MCPH1: variants seen among roughly 807,000 people sequenced by gnomAD.
The protein encoded by MCPH1 is microcephalin 1.
In MCPH1, 104 loss-of-function variants were observed where a neutral mutation model predicts 84.5. The ratio of observed to expected loss-of-function variants is 1.23; its 90% CI spans 1.05 to 1.45. MCPH1 has a LOEUF of 1.45. MCPH1 is among the 40% of genes most tolerant of loss of function. The pLI is 0.00. For synonymous variants in MCPH1, 514 were observed against 366.8 expected (o/e 1.40, Z -4.58); for missense variants, 1,498 against 1,005.7 (o/e 1.49, Z -6.62).
intron 3 of MCPH1, among the ~76,000 whole-genome samples, chr8:6,423,660 A>T (rs938519624): frequency 5.3e-5 from 8 of 152,132 alleles, no homozygotes; most frequent in African/African-American, 1.9e-4. Flanking sequence ...GAGCTTCTGT[A>T]TGTATTACCT....
intron 3 of MCPH1, among the ~76,000 whole-genome samples, chr8:6,425,195 T>C (rs1339659872): frequency 6.6e-6 from 1 of 152,228 alleles, no homozygotes; most frequent in African/African-American, 2.4e-5. Context: ...GAGGAGAACG[T>C]TGCTGCTTTG....
At chr8:6,532,594 C>A (rs943970289) in intron 12 of MCPH1, 12 of 703,514 alleles carry the variant, frequency 1.7e-5, no homozygotes, top group Non-Finnish European at 2.3e-5. Context: ...AAAAAAAAAT[C>A]TATCAAAAGA....
chr8:6,447,947 T>C (rs868691161), intron 8 of MCPH1, among the ~76,000 whole-genome samples: 4 of 152,170 alleles, frequency 2.6e-5, no homozygotes, highest in Non-Finnish European at 5.9e-5. Context: ...TACATTCCCA[T>C]TGTAACAAAG....
At chr8:6,602,204 G>A (rs554170011) in intron 12 of MCPH1, among the ~76,000 whole-genome samples, 6 of 152,372 alleles carry the variant, frequency 3.9e-5, no homozygotes, top group South Asian at 2.1e-4. Context: ...GCTCGCTAGC[G>A]AGGAGGGAGG....
chr8:6,568,218 G>A (rs1028427874), intron 12 of MCPH1, among the ~76,000 whole-genome samples: 3 of 149,966 alleles, frequency 2.0e-5, no homozygotes, highest in Admixed American at 6.6e-5. Flanking sequence ...CCTGAGGACC[G>A]TGGAAGTGGG....
chr8:6,527,105 A>G (rs1818478372), intron 12 of MCPH1, among the ~76,000 whole-genome samples: 1 of 152,228 alleles, frequency 6.6e-6, no homozygotes, highest in East Asian at 1.9e-4. Context: ...TCAAGTTAAT[A>G]CTGAAATAAA....
chr8:6,623,665 T>C (rs547575236), intron 13 of MCPH1, among the ~76,000 whole-genome samples: 14 of 137,568 alleles, frequency 1.0e-4, no homozygotes, highest in African/African-American at 3.6e-4. Context: ...GAGTAATTCA[T>C]CTTTTGCCTG....
At chr8:6,640,263 G>C (rs1797859010) in intron 13 of MCPH1, among the ~76,000 whole-genome samples, 1 of 152,070 alleles carries the variant, frequency 6.6e-6, no homozygotes, top group Middle Eastern at 3.4e-3. Flanking sequence ...TGTGCCCTAG[G>C]ATATGTGTAC....
At chr8:6,634,448 A>T (rs1797392351) in intron 13 of MCPH1, among the ~76,000 whole-genome samples, 2 of 152,176 alleles carry the variant, frequency 1.3e-5, no homozygotes, top group African/African-American at 4.8e-5. Flanking sequence ...ACTACAGCTG[A>T]CGGGACAGCC....
At chr8:6,498,895 A>G (rs1811610880) in intron 11 of MCPH1, among the ~76,000 whole-genome samples, 1 of 151,440 alleles carries the variant, frequency 6.6e-6, no homozygotes, top group South Asian at 2.1e-4. Flanking sequence ...CTACAAATAC[A>G]AAAAAAATTA....
intron 9 of MCPH1, among the ~76,000 whole-genome samples, chr8:6,457,944 TG>T (rs1398292755): frequency 6.6e-6 from 1 of 152,138 alleles, no homozygotes; most frequent in Non-Finnish European, 1.5e-5. Flanking sequence ...TGTGGCTGCC[TG>T]GCCCCAAGCC....
chr8:6,471,266 G>A (rs1444587445), intron 9 of MCPH1, among the ~76,000 whole-genome samples: 1 of 152,170 alleles, frequency 6.6e-6, no homozygotes, highest in African/African-American at 2.4e-5. Context: ...TTCTGAGTAA[G>A]TGAATATCAC....
intron 9 of MCPH1, chr8:6,473,752 T>A (rs1808072213): frequency 1.5e-6 from 1 of 665,508 alleles, no homozygotes; most frequent in African/African-American, 1.8e-5. Flanking sequence ...AACATGAGTT[T>A]AATAAAGCGT....
At chr8:6,414,669 G>T (rs1468298925) in intron 2 of MCPH1, 96 bp from the exon 3 acceptor site, 1 of 1,369,244 alleles carries the variant, frequency 7.3e-7, no homozygotes, top group Admixed American at 2.0e-5. Context: ...CAGATGTTGA[G>T]AAACAGAATT....
At chr8:6,624,874 CTT>C (rs34427383) in intron 13 of MCPH1, 1,072 of 868,670 alleles carry the variant, frequency 1.2e-3, no homozygotes, top group Middle Eastern at 1.8e-3. Flanking sequence ...AAATCATATA[CTT>C]TTTTTTTTTT....
At chr8:6,596,779 C>T (rs1314134009) in intron 12 of MCPH1, among the ~76,000 whole-genome samples, 1 of 152,192 alleles carries the variant, frequency 6.6e-6, no homozygotes, top group Non-Finnish European at 1.5e-5. Flanking sequence ...GAGAATAAAT[C>T]TCTTTTCTGC....
At chr8:6,533,592 TA>T (rs769757385) in intron 12 of MCPH1, among the ~76,000 whole-genome samples, 8 of 148,390 alleles carry the variant, frequency 5.4e-5, no homozygotes, top group Non-Finnish European at 1.2e-4. Context: ...TTTTTTTTTT[TA>T]AATAATCTAA....
At chr8:6,534,186 C>A (rs1488261030) in intron 12 of MCPH1, among the ~76,000 whole-genome samples, 5 of 151,886 alleles carry the variant, frequency 3.3e-5, no homozygotes, top group Non-Finnish European at 7.4e-5. Flanking sequence ...ACGGGTTCAA[C>A]CACACCATCA....
At chr8:6,411,660 T>G (rs1359641004) in intron 2 of MCPH1, among the ~76,000 whole-genome samples, 1 of 152,238 alleles carries the variant, frequency 6.6e-6, no homozygotes, top group East Asian at 1.9e-4. Flanking sequence ...CAGTGCGTGA[T>G]TTTTATTATA....
Sources: allele counts gnomAD v4.1 joint callset (sites outside exome capture counted in the v4.1 genomes callset), GRCh38; gene constraint gnomAD v4.1.1; transcripts MANE v1.5; gene names NCBI Gene and HGNC (gene_info 2026-07-23, HGNC 2026-07-21).